NRXN3: variants seen among roughly 807,000 people sequenced by gnomAD.
The protein encoded by NRXN3 is neurexin III.
NRXN3 carries 32 observed loss-of-function variants against 137.6 expected under a neutral mutation model. That is an observed-to-expected ratio of 0.23 (90% confidence interval 0.18 to 0.31). The LOEUF is 0.31. Ranked by LOEUF, NRXN3 falls within the 10% of genes least tolerant of loss-of-function variation. The probability of loss-of-function intolerance (pLI) is 1.00; values close to 1 mark genes in which losing one functional copy is unlikely to be tolerated. For missense variants in NRXN3, 1,574 were observed against 2,062.5 expected, an observed-to-expected ratio of 0.76 and a Z score of 4.59; for synonymous variants, 798 against 784.5, an observed-to-expected ratio of 1.02 and a Z score of -0.29.
chr14:78,459,797 G>A (rs1020332319), intron 4 of NRXN3, among the ~76,000 whole-genome samples: 1 of 152,188 alleles, frequency 6.6e-6, no homozygotes, highest in Non-Finnish European at 1.5e-5. Context: ...AAATGTGTGA[G>A]GATTTCTTCC....
chr14:79,484,249 G>T (rs1271323805), intron 16 of NRXN3, among the ~76,000 whole-genome samples: 1 of 152,120 alleles, frequency 6.6e-6, no homozygotes, highest in Non-Finnish European at 1.5e-5. Flanking sequence ...TCTTTTGGAT[G>T]TTTGGTGATT....
intron 4 of NRXN3, among the ~76,000 whole-genome samples, chr14:78,589,103 G>A (rs1354820409): frequency 6.6e-6 from 1 of 152,176 alleles, no homozygotes; most frequent in African/African-American, 2.4e-5. Flanking sequence ...GCGCCTGCAG[G>A]TTCCTGGAAA....
intron 4 of NRXN3, among the ~76,000 whole-genome samples, chr14:78,415,838 C>T (rs1025906836): frequency 2.0e-5 from 3 of 151,910 alleles, no homozygotes; most frequent in Non-Finnish European, 2.9e-5. Flanking sequence ...CCAAGGAAGG[C>T]CATGGGAGGA....
At chr14:78,660,775 C>A (rs778903033) in intron 6 of NRXN3, among the ~76,000 whole-genome samples, 40 of 152,122 alleles carry the variant, frequency 2.6e-4, no homozygotes, top group Admixed American at 9.2e-4. Context: ...TTGCCTAAAC[C>A]TGTTGTGGCT....
chr14:78,670,646 G>C (rs529553283), intron 6 of NRXN3, among the ~76,000 whole-genome samples: 5 of 152,220 alleles, frequency 3.3e-5, no homozygotes, highest in Non-Finnish European at 5.9e-5. Flanking sequence ...TAAACATAGA[G>C]CTCAGTGTTG....
intron 15 of NRXN3, among the ~76,000 whole-genome samples, chr14:79,271,731 T>C (rs2079364325): frequency 6.6e-6 from 1 of 152,102 alleles, no homozygotes; most frequent in Non-Finnish European, 1.5e-5. Context: ...CTTGTTTGCC[T>C]CCTTTAGGAA....
chr14:79,645,264 C>T (rs2098448249), intron 16 of NRXN3, among the ~76,000 whole-genome samples: 1 of 135,414 alleles, frequency 7.4e-6, no homozygotes, highest in African/African-American at 2.5e-5. Flanking sequence ...TTCAGCCCAG[C>T]TTCCACACTT....
intron 15 of NRXN3, among the ~76,000 whole-genome samples, chr14:79,337,073 C>T (rs766756247): frequency 2.6e-5 from 4 of 152,160 alleles, no homozygotes; most frequent in African/African-American, 7.2e-5. Context: ...CCAATTCTGT[C>T]GTATATTTCT....
intron 15 of NRXN3, among the ~76,000 whole-genome samples, chr14:79,173,002 A>G (rs1485999603): frequency 6.6e-6 from 1 of 152,200 alleles, no homozygotes; most frequent in Non-Finnish European, 1.5e-5. Context: ...CAAATGGTAG[A>G]AAGATAACCA....
chr14:78,326,645 G>A (rs2080124649), intron 4 of NRXN3, among the ~76,000 whole-genome samples: 1 of 152,228 alleles, frequency 6.6e-6, no homozygotes, highest in Non-Finnish European at 1.5e-5. Context: ...ACATCCAGGA[G>A]CAGAAGTAAG....
At position 78,512,055 on chromosome 14, in the gene NRXN3, T is replaced by G. The variant is rs536911997; in HGVS notation, c.758-133065T>G. Among the ~76,000 whole-genome samples the G allele has an allele frequency of 7.9e-5, 12 of 152,288 alleles. No individual in the cohort carries two copies. In the South Asian group the frequency reaches 2.5e-3, roughly 32 times the overall value. ...TTATTGTCATTATTAATATCCCAAA[T>G]TTTTTAAATGGTCACAATAATTCCC... On this transcript the variant is annotated intron_variant, in intron 4 of 20. Transcript: ENST00000335750.
chr14:78,644,564 A>G (rs115976938), intron 4 of NRXN3, among the ~76,000 whole-genome samples: 1,590 of 152,248 alleles, frequency 0.01, 32 homozygotes, highest in African/African-American at 0.037. Flanking sequence ...CCAACCTCCT[A>G]CTTAACAACT....
chr14:79,328,375 G>A (rs1201667714), intron 15 of NRXN3, among the ~76,000 whole-genome samples: 2 of 152,188 alleles, frequency 1.3e-5, no homozygotes, highest in Non-Finnish European at 2.9e-5. Flanking sequence ...TTGCCATGCA[G>A]GTGATCATGT....
intron 4 of NRXN3, among the ~76,000 whole-genome samples, chr14:78,597,165 G>A (rs1205626862): frequency 6.6e-6 from 1 of 152,226 alleles, no homozygotes; most frequent in East Asian, 1.9e-4. Flanking sequence ...CGGGGATGAG[G>A]TGGTCTGAGA....
At chr14:79,477,144 A>T (rs2096566909) in intron 16 of NRXN3, among the ~76,000 whole-genome samples, 1 of 151,750 alleles carries the variant, frequency 6.6e-6, no homozygotes, top group Non-Finnish European at 1.5e-5. Context: ...CATAGATGGG[A>T]TGGGACAGAT....
intron 15 of NRXN3, among the ~76,000 whole-genome samples, chr14:79,248,302 A>G (rs1195464793): frequency 6.6e-6 from 1 of 152,088 alleles, no homozygotes; most frequent in Non-Finnish European, 1.5e-5. Context: ...GATTCTAGCC[A>G]TACCCCATGA....
intron 10 of NRXN3, among the ~76,000 whole-genome samples, chr14:78,898,017 T>C (rs1052928565): frequency 6.6e-6 from 1 of 151,998 alleles, no homozygotes; most frequent in Non-Finnish European, 1.5e-5. Context: ...TACTTTTATG[T>C]AGCAATGTGA....
At chr14:78,292,928 C>A (rs915541248) in intron 3 of NRXN3, among the ~76,000 whole-genome samples, 1 of 152,106 alleles carries the variant, frequency 6.6e-6, no homozygotes, top group Non-Finnish European at 1.5e-5. Flanking sequence ...ATTTTGACCC[C>A]GTTTCTGAGG....
At chr14:79,656,226 C>T (rs768702103) in intron 16 of NRXN3, among the ~76,000 whole-genome samples, 1 of 152,116 alleles carries the variant, frequency 6.6e-6, no homozygotes. Context: ...GCGGGGAAAC[C>T]GGACGTTTAT....
Sources: allele counts gnomAD v4.1 joint callset (sites outside exome capture counted in the v4.1 genomes callset), GRCh38; gene constraint gnomAD v4.1.1; transcripts MANE v1.5; gene names NCBI Gene and HGNC (gene_info 2026-07-23, HGNC 2026-07-21).